Variants in OPHN1 observed in about 807,000 individuals in gnomAD.
OPHN1 encodes the protein oligophrenin-1.
In OPHN1, 11 loss-of-function variants were observed where a neutral mutation model predicts 60.7. The observed-to-expected ratio is 0.18, with a 90% CI of 0.11 to 0.30. The LOEUF (loss-of-function observed/expected upper bound fraction) is 0.30. OPHN1 is among the 10% of genes least tolerant of loss of function. The pLI is 1.00. For synonymous variants in OPHN1, 226 were observed against 222.6 expected, an observed-to-expected ratio of 1.02 and a Z score of -0.14; for missense variants, 449 against 611.0, an observed-to-expected ratio of 0.73 and a Z score of 2.80.
intron 5 of OPHN1, among the ~76,000 whole-genome samples, chrX:68,263,592 T>A (rs1219715069): frequency 1.8e-5 from 2 of 111,726 alleles, no homozygotes; most frequent in Non-Finnish European, 3.8e-5. Flanking sequence ...TACTAAGAAC[T>A]TTATATATGT....
At chrX:68,229,969 C>A (rs1201294791) in intron 6 of OPHN1, among the ~76,000 whole-genome samples, 4 of 111,859 alleles carry the variant, frequency 3.6e-5, no homozygotes, top group African/African-American at 1.3e-4. Context: ...TGTCAGAGTG[C>A]ACAGGCAACC....
At chrX:68,204,708 A>G (rs73528489) in intron 10 of OPHN1, among the ~76,000 whole-genome samples, 1,748 of 111,285 alleles carry the variant, frequency 0.016, 34 homozygotes, top group African/African-American at 0.055. Context: ...GGAATACCAC[A>G]TCAAAAATGC....
chrX:68,328,349 C>G (rs1316526117), intron 2 of OPHN1, among the ~76,000 whole-genome samples: 1 of 110,342 alleles, frequency 9.1e-6, no homozygotes, highest in Admixed American at 9.8e-5. Flanking sequence ...AAGATGGTCT[C>G]GATCTCCTGA....
intron 2 of OPHN1, among the ~76,000 whole-genome samples, chrX:68,352,113 T>G (rs1359851332): frequency 2.7e-5 from 3 of 109,326 alleles, no homozygotes; most frequent in Non-Finnish European, 3.8e-5. Flanking sequence ...GACCTCGTGA[T>G]CTGCCCGCCT....
intron 5 of OPHN1, among the ~76,000 whole-genome samples, chrX:68,241,714 G>A (rs113110591): frequency 2.7e-5 from 3 of 111,527 alleles, no homozygotes; most frequent in Admixed American, 9.6e-5. Flanking sequence ...GAGGTCAGGA[G>A]TCCAAGACTA....
At chrX:68,056,975 C>T (rs904936029) in intron 21 of OPHN1, among the ~76,000 whole-genome samples, 1 of 111,894 alleles carries the variant, frequency 8.9e-6, no homozygotes, top group Non-Finnish European at 1.9e-5. Flanking sequence ...TTGTTCTGTT[C>T]CAGGTACTGT....
chrX:68,181,781 T>C (rs1381880898), intron 15 of OPHN1, among the ~76,000 whole-genome samples: 3 of 111,776 alleles, frequency 2.7e-5, no homozygotes. Flanking sequence ...TGAGCTAAGA[T>C]TGCGCCACTG....
At chrX:68,228,696 T>C (rs937608945) in intron 6 of OPHN1, among the ~76,000 whole-genome samples, 5 of 111,115 alleles carry the variant, frequency 4.5e-5, no homozygotes, top group Admixed American at 9.7e-5. Flanking sequence ...AAAAGGCCTA[T>C]GACAAAATTC....
chrX:68,061,928 T>C (rs1181509650), intron 21 of OPHN1, among the ~76,000 whole-genome samples: 1 of 112,055 alleles, frequency 8.9e-6, no homozygotes, highest in African/African-American at 3.2e-5. Context: ...ACTGAGGTTG[T>C]TATATGAAAT....
chrX:68,350,599 T>C (rs1365594397), intron 2 of OPHN1, among the ~76,000 whole-genome samples: 3 of 102,042 alleles, frequency 2.9e-5, no homozygotes, highest in Admixed American at 2.2e-4. Context: ...CACTGCAGCA[T>C]TGAACTCCTG....
chrX:68,102,480 C>T (rs1312881228), intron 18 of OPHN1, among the ~76,000 whole-genome samples: 1 of 110,497 alleles, frequency 9.1e-6, no homozygotes, highest in Non-Finnish European at 1.9e-5. Context: ...GAAGCAAGAG[C>T]AAACAAACTG....
chrX:68,379,086 C>A (rs1174327472), intron 2 of OPHN1, among the ~76,000 whole-genome samples: 1 of 110,514 alleles, frequency 9.0e-6, no homozygotes, highest in Admixed American at 9.7e-5. Flanking sequence ...TCTTCCATTT[C>A]TTTGTATCCT....
At chrX:68,415,060 C>T (rs1352375713) in intron 2 of OPHN1, among the ~76,000 whole-genome samples, 1 of 111,948 alleles carries the variant, frequency 8.9e-6, no homozygotes, top group Non-Finnish European at 1.9e-5. Flanking sequence ...AATCTAATTC[C>T]ATTCTTTCTC....
At chrX:68,428,609 CAAGT>C (rs1229346014) in intron 2 of OPHN1, among the ~76,000 whole-genome samples, 17 of 112,110 alleles carry the variant, frequency 1.5e-4, no homozygotes, top group Non-Finnish European at 3.2e-4. Flanking sequence ...GGTATGTGTC[CAAGT>C]ATGTATTGAA....
At chrX:68,396,939 C>T (rs747418202) in intron 2 of OPHN1, among the ~76,000 whole-genome samples, 1 of 112,023 alleles carries the variant, frequency 8.9e-6, no homozygotes, top group African/African-American at 3.2e-5. Flanking sequence ...AGCTTCCCCC[C>T]AGGGGCATAG....
intron 15 of OPHN1, among the ~76,000 whole-genome samples, chrX:68,141,867 G>A (rs2077243901): frequency 9.2e-6 from 1 of 108,546 alleles, no homozygotes; most frequent in Non-Finnish European, 1.9e-5. Context: ...GATCAAGATG[G>A]TGACAGTTTA....
chrX:68,194,335 TTTTA>T, intron 13 of OPHN1, 126 bp downstream of exon 13: 1 of 601,710 alleles, frequency 1.7e-6, no homozygotes. Context: ...TATGGCTGAA[TTTTA>T]TTTCACACAA....
chrX:68,165,755 C>T (rs779561741), intron 15 of OPHN1, among the ~76,000 whole-genome samples: 311 of 112,096 alleles, frequency 2.8e-3, no homozygotes, highest in Admixed American at 4.5e-3. Flanking sequence ...AACACAATAT[C>T]TGCAAAATGC....
intron 6 of OPHN1, among the ~76,000 whole-genome samples, chrX:68,223,392 C>A (rs1406038231): frequency 8.9e-6 from 1 of 112,225 alleles, no homozygotes; most frequent in African/African-American, 3.2e-5. Context: ...TGAAACAGAA[C>A]AAAATAATGT....
Sources: gnomAD v4.1 joint callset for allele counts (sites outside exome capture counted in the v4.1 genomes callset) on GRCh38, gnomAD v4.1.1 for gene constraint, MANE v1.5 for transcripts, NCBI Gene and HGNC (gene_info 2026-07-23, HGNC 2026-07-21) for gene names.